The following ANKRD52 variants were observed in gnomAD, a reference collection of about 807,000 sequenced individuals.
ANKRD52 encodes serine/threonine-protein phosphatase 6 regulatory ankyrin repeat subunit C.
A neutral mutation model predicts 116.0 loss-of-function variants in ANKRD52; 7 were observed. The observed-to-expected ratio is 0.06, with a 90% CI of 0.03 to 0.11. The LOEUF is 0.11. Ranked by LOEUF, ANKRD52 falls within the 10% of genes least tolerant of loss-of-function variation. The pLI is 1.00. For synonymous variants in ANKRD52, 528 were observed against 578.1 expected (o/e 0.91, Z 1.24); for missense variants, 839 against 1,408.6 (o/e 0.60, Z 6.47).
rs1871553631 is a variant in ANKRD52, at chr12:56,248,900, G to A, written c.1593-30C>T. The A allele has an allele frequency of 6.6e-7, 1 of 1,506,936 alleles. No individual in the cohort carries two copies. Among genetic ancestry groups the A allele is most frequent in the Non-Finnish European group, 9.0e-7 (1 of 1,109,182 alleles). 93.3% of individuals were successfully genotyped at this position (1,506,936 alleles called of 1,614,324 possible). A position where few individuals can be genotyped will look rare whatever the true frequency, so the allele number is the denominator to read the frequency against. On this transcript the variant is annotated intron_variant, in intron 15 of 27. Coordinates refer to ENST00000267116, the MANE Select transcript of ANKRD52 (RefSeq NM_173595.4). This position sits in a 1 kb window ranked among gnomAD's most constrained non-coding sequence, Gnocchi z 5.1. ...GGAGCCGGGGGTAGACTGTGAGGCA[G>A]GGACAGGCCCAGCCCAGGAGGGCAC...
intron 20 of ANKRD52, 93 bp downstream of exon 20, chr12:56,247,400 C>A: frequency 1.9e-6 from 2 of 1,042,112 alleles, no homozygotes; most frequent in South Asian, 1.6e-5. Flanking sequence ...TCCTGGCTTG[C>A]CTCCTAGACA....
Position 56,256,922 on chromosome 12 carries a change from G to C in ANKRD52, c.261+93C>G, listed in dbSNP as rs187901290. ...CTCACTACCTGGGGTAGAACAGCTTGTAGGGCTGAGGACTGAGGCTCCTTA... is the reference window on the plus strand; with the variant it reads ...CTCACTACCTGGGGTAGAACAGCTTCTAGGGCTGAGGACTGAGGCTCCTTA... On this transcript the variant is annotated intron_variant, in intron 4 of 27. Coordinates refer to ENST00000267116, the MANE Select transcript of ANKRD52 (RefSeq NM_173595.4). 2,237 of 1,359,524 alleles carry C rather than the reference G, an allele frequency of 1.6e-3. 3 individuals are homozygous for C. The highest frequency in any genetic ancestry group is 2.1e-3 in the Admixed American group (84 of 39,110). The allele number at this position is 1,359,524 out of a possible 1,614,324, so 84.2% of individuals were successfully genotyped here. A position where few individuals can be genotyped will look rare whatever the true frequency, so the allele number is the denominator to read the frequency against.
In ANKRD52 at chr12:56,252,118, T is replaced by C. The variant is rs1449874631; in HGVS notation, c.1512-23A>G. 2 of 1,613,852 alleles carry C rather than the reference T, an allele frequency of 1.2e-6. No homozygotes were observed. Among genetic ancestry groups the C allele is most frequent in the Non-Finnish European group, 1.7e-6 (2 of 1,179,830 alleles). ...GCTCTGGGGAAGAGAGAGAGAAAGT[T>C]AGGGCCAGGCTCAGGGAGGTGAATG... On this transcript the variant is annotated intron_variant, in intron 14 of 27. Coordinates refer to ENST00000267116, the MANE Select transcript of ANKRD52 (RefSeq NM_173595.4). The surrounding 1 kb of genome is among the most constrained non-coding windows in gnomAD (Gnocchi z 4.7).
chr12:56,240,572 C>T lies in ANKRD52; in HGVS notation c.*2570G>A, dbSNP rs1028147002. 6.6e-6 allele frequency: 1 copy of T among 152,010 alleles called. No individual in the cohort carries two copies. The highest frequency in any genetic ancestry group is 2.4e-5 in the African/African-American group (1 of 41,362). The allele number at this position is 152,010 out of a possible 1,614,324, so 9.4% of individuals were successfully genotyped here. A position where few individuals can be genotyped will look rare whatever the true frequency, so the allele number is the denominator to read the frequency against. ...TCTGCCTGTTTTACTTCTCCACACC[C>T]GTTTAAGTCAAAGAGGTTTAAAAAA... On this transcript the variant is annotated 3_prime_UTR_variant, in exon 28 of 28. Coordinates refer to ENST00000267116, the MANE Select transcript of ANKRD52 (RefSeq NM_173595.4). The surrounding 1 kb of genome is among the most constrained non-coding windows in gnomAD (Gnocchi z 4.2).
In ANKRD52 at chr12:56,241,216, T is replaced by C. The variant is rs1222122426; in HGVS notation, c.*1926A>G. ...ATAAAAACTAAAAGCTGCACAATCCTTCTCATCAATAATGGTCATTTGGAA... is the reference window on the plus strand; with the variant it reads ...ATAAAAACTAAAAGCTGCACAATCCCTCTCATCAATAATGGTCATTTGGAA... On this transcript the variant is annotated 3_prime_UTR_variant, in exon 28 of 28. Coordinates refer to ENST00000267116, the MANE Select transcript of ANKRD52 (RefSeq NM_173595.4). 2 of 152,128 alleles carry C rather than the reference T, an allele frequency of 1.3e-5. No homozygotes were observed. Among genetic ancestry groups the C allele is most frequent in the Non-Finnish European group, 2.9e-5 (2 of 68,018 alleles). The allele number at this position is 152,128 out of a possible 1,614,324, so 9.4% of individuals were successfully genotyped here.
rs775597003 is a variant in ANKRD52, at chr12:56,257,022, C to T, written c.254G>A (p.Arg85Gln). 1.9e-6 allele frequency: 3 copies of T among 1,613,078 alleles called. No homozygotes were observed. Among genetic ancestry groups the T allele is most frequent in the Non-Finnish European group, 1.7e-6 (2 of 1,179,502 alleles). ...LTPLHRAAASRNEKVLGLLLA... is the reference protein window; with the variant it reads ...LTPLHRAAASQNEKVLGLLLA... The stretch of plus-strand genomic sequence containing the variant: ...GAAGGTGGGGGTGCATACCTCGTTT[C>T]GGGAGGCAGCAGCACGATGAAGAGG... Residue 85 changes from arginine to glutamine, a missense_variant, in exon 4 of 28, where the codon CGA (arginine) becomes CAA (glutamine). By Grantham distance (43) the Arg-to-Gln change is conservative (BLOSUM62 1). Transcript: ENST00000267116.
chr12:56,247,511 G>T lies in ANKRD52; in HGVS notation c.2166C>A (p.Arg722=). 6.3e-7 allele frequency: 1 copy of T among 1,585,504 alleles called. No individual in the cohort carries two copies. Among genetic ancestry groups the T allele is most frequent in the Non-Finnish European group, 8.6e-7 (1 of 1,165,144 alleles). Residue 722 remains arginine, a synonymous_variant, in exon 20 of 28, where the codon CGC becomes CGA. Coordinates refer to ENST00000267116, the MANE Select transcript of ANKRD52 (RefSeq NM_173595.4). The stretch of plus-strand genomic sequence containing the variant: ...CACTCACCCCGCGGTGGAGGGCAGT[G>T]CGGCCCCGGAGGTCAGCAGCATCAG... ...STADAADLRG[R]TALHRGAVTG... is the part of the protein sequence containing the mutation.
rs753100611 is a variant in ANKRD52, at chr12:56,247,458, C to CATGTGCA, written c.2184+28_2184+34dup. ...AGTCCCATGCTCCCACACTGAGGCC[C>CATGTGCA]ATGTGCAAACAATCCCCCCTAGAAG... is the stretch of plus-strand genomic sequence containing the variant. On this transcript the variant is annotated intron_variant, in intron 20 of 27. Transcript: ENST00000267116. 5.3e-6 allele frequency: 8 copies of CATGTGCA among 1,520,870 alleles called. No homozygotes were observed. The East Asian group carries it at 1.7e-4, about 33-fold the overall frequency. 94.2% of individuals were successfully genotyped at this position (1,520,870 alleles called of 1,614,324 possible).
intron 18 of ANKRD52, 84 bp downstream of exon 18, chr12:56,247,939 C>T: frequency 7.0e-7 from 1 of 1,429,978 alleles, no homozygotes; most frequent in Non-Finnish European, 9.5e-7. Flanking sequence ...TTCTCCTCAC[C>T]CTACTCCACT....
At position 56,252,676 on chromosome 12, in the gene ANKRD52, C is replaced by CT; in HGVS notation, c.1301+103dup. ...TAGCAAGCCCTTTCTGCTGTGACTG[C>CT]TTTCATTGTGAGAGGGGGAATAGAT... On this transcript the variant is annotated intron_variant, in intron 12 of 27. Transcript: ENST00000267116. This position sits in a 1 kb window ranked among gnomAD's most constrained non-coding sequence, Gnocchi z 4.7. 6.5e-7 allele frequency: 1 copy of CT among 1,538,598 alleles called. No individual in the cohort carries two copies. Among genetic ancestry groups the CT allele is most frequent in the Non-Finnish European group, 9.0e-7 (1 of 1,115,026 alleles).
At chr12:56,249,358 A>T (rs935012320) in intron 15 of ANKRD52, among the ~76,000 whole-genome samples, 3 of 152,144 alleles carry the variant, frequency 2.0e-5, no homozygotes, top group Non-Finnish European at 4.4e-5. Context: ...CCTTAGTAGT[A>T]GTTGTAGTAG....
rs963438664 is a variant in ANKRD52 at position 56,247,906 on chromosome 12, T to C, written c.1978+117A>G. 17 of 1,358,272 alleles carry C rather than the reference T, an allele frequency of 1.3e-5. No individual in the cohort carries two copies. In the African/African-American group the frequency reaches 2.2e-4, roughly 17 times the overall value. 84.1% of individuals were successfully genotyped at this position (1,358,272 alleles called of 1,614,324 possible). A position where few individuals can be genotyped will look rare whatever the true frequency, so the allele number is the denominator to read the frequency against. ...AGAAATCTCTGAGGATAGGAAGCTA[T>C]GAATCAGGGCTTGAAGTCTCCATTC... On this transcript the variant is annotated intron_variant, in intron 18 of 27. Coordinates refer to ENST00000267116, the MANE Select transcript of ANKRD52 (RefSeq NM_173595.4).
rs1180535994 is a variant in ANKRD52 at position 56,245,360 on chromosome 12, A to T, written c.2404+17T>A. On this transcript the variant is annotated intron_variant, in intron 21 of 27. Transcript: ENST00000267116. ...CCAACACATGCTCCTGTGCCTGTGG[A>T]GGCCCCAGTCTAGTACCAGTGTAGG... The T allele has an allele frequency of 3.1e-6, 5 of 1,607,218 alleles. No individual in the cohort carries two copies. Among genetic ancestry groups the T allele is most frequent in the African/African-American group, 1.3e-5 (1 of 74,616 alleles).
chr12:56,244,598 A>C lies in ANKRD52; in HGVS notation c.2722+54T>G. ...CAGCCTCCACAGGCAGGGCTGACCC[A>C]TCCTGCAAATGCCCCAGGGGAGCTC... On this transcript the variant is annotated intron_variant, in intron 24 of 27. Transcript: ENST00000267116. The surrounding 1 kb of genome is among the most constrained non-coding windows in gnomAD (Gnocchi z 4.9). 1 of 1,608,894 alleles carries C rather than the reference A, an allele frequency of 6.2e-7. No homozygotes were observed. The highest frequency in any genetic ancestry group is 8.5e-7 in the Non-Finnish European group (1 of 1,177,312).
Position 56,252,485 on chromosome 12 carries a change from C to G in ANKRD52, c.1370+17G>C. On this transcript the variant is annotated intron_variant, in intron 13 of 27. Transcript: ENST00000267116. This position sits in a 1 kb window ranked among gnomAD's most constrained non-coding sequence, Gnocchi z 4.7. ...TAATCAGATATTCCCTATGTTTACC[C>G]CTGCATATTAGCATACCTGCCAAAT... is the stretch of plus-strand genomic sequence containing the variant. 1 of 1,611,288 alleles carries G rather than the reference C, an allele frequency of 6.2e-7. No individual in the cohort carries two copies. Among genetic ancestry groups the G allele is most frequent in the East Asian group, 2.2e-5 (1 of 44,874 alleles).
intron 20 of ANKRD52, among the ~76,000 whole-genome samples, chr12:56,246,968 A>AATC (rs1871436714): frequency 7.1e-6 from 1 of 141,066 alleles, no homozygotes; most frequent in African/African-American, 2.6e-5. Flanking sequence ...TAATAATAAT[A>AATC]ATAATAAACA....
chr12:56,251,517 A>G (rs988839643), intron 15 of ANKRD52, among the ~76,000 whole-genome samples: 2 of 152,186 alleles, frequency 1.3e-5, no homozygotes, highest in Non-Finnish European at 2.9e-5. Context: ...AAGTGCTAGG[A>G]TTACAAGCTT....
chr12:56,255,978 G>A lies in ANKRD52; in HGVS notation c.268C>T (p.Leu90=). The A allele has an allele frequency of 6.4e-7, 1 of 1,565,852 alleles. No individual in the cohort carries two copies. Among genetic ancestry groups the A allele is most frequent in the Non-Finnish European group, 8.7e-7 (1 of 1,153,270 alleles). ...GCTGAATGTGCCAGCAGCAGCCCCA[G>A]CACCTTCTGTTGAGGGGCAGGGGAC... ...RAAASRNEKV[L]GLLLAHSADV... is the part of the protein sequence containing the mutation. Residue 90 remains leucine (L), a synonymous_variant, in exon 5 of 28, where the codon CTG becomes TTG. Transcript: ENST00000267116. This position sits in a 1 kb window ranked among gnomAD's most constrained non-coding sequence, Gnocchi z 4.3.
rs907649732 is a variant in ANKRD52 at position 56,252,333 on chromosome 12, G to C, written c.1371-18C>G. On this transcript the variant is annotated intron_variant, in intron 13 of 27. Transcript: ENST00000267116. The surrounding 1 kb of genome is among the most constrained non-coding windows in gnomAD (Gnocchi z 4.7). Reference sequence around the variant, plus strand: ...GTGGGGTCCTGGGGAAGAAGTGAAGGAGGGTGGGGAAGAGAATCAGAGACA... The same window carrying C: ...GTGGGGTCCTGGGGAAGAAGTGAAGCAGGGTGGGGAAGAGAATCAGAGACA... The C allele has an allele frequency of 3.1e-6, 5 of 1,612,856 alleles. No homozygotes were observed. The highest frequency in any genetic ancestry group is 1.3e-5 in the African/African-American group (1 of 74,890).
Sources: gnomAD v4.1 joint callset for allele counts (sites outside exome capture counted in the v4.1 genomes callset) on GRCh38, gnomAD v4.1.1 for gene constraint, Gnocchi (gnomAD v3.1) non-coding constraint, MANE v1.5 for transcripts, NCBI Gene and HGNC (gene_info 2026-07-23, HGNC 2026-07-21) for gene names.